AMPH: variants seen among roughly 807,000 people sequenced by gnomAD.
The protein encoded by AMPH is amphiphysin (Stiff-Mann syndrome with breast cancer 128kD autoantigen).
AMPH carries 49 observed loss-of-function variants against 99.1 expected under a neutral mutation model. The observed-to-expected ratio is 0.49, with a 90% confidence interval of 0.39 to 0.63. The LOEUF (loss-of-function observed/expected upper bound fraction) is 0.63, where lower values mean the gene tolerates loss of function less well. AMPH is among the 20% of genes least tolerant of loss of function. The probability of loss-of-function intolerance (pLI) is 0.00; values close to 1 mark genes in which losing one functional copy is unlikely to be tolerated. For synonymous variants in AMPH, 314 were observed against 317.3 expected (o/e 0.99, Z 0.11); for missense variants, 759 against 863.4 (o/e 0.88, Z 1.52).
At chr7:38,494,090 G>A (rs746743026) in intron 4 of AMPH, among the ~76,000 whole-genome samples, 2 of 152,144 alleles carry the variant, frequency 1.3e-5, no homozygotes, top group African/African-American at 4.8e-5. Flanking sequence ...CTGAGTAGCT[G>A]AGATTACAGG....
chr7:38,505,728 G>C lies in AMPH; in HGVS notation c.151-2024C>G, dbSNP rs1247751002. 2.0e-5 allele frequency among the ~76,000 whole-genome samples: 3 copies of C among 152,044 alleles called. No individual in the cohort carries two copies. The East Asian group carries it at 5.8e-4, about 29-fold the overall frequency. Reference sequence around the variant, plus strand: ...CTTGAGTAAAAGCAGTCGATGAAGAGGACCCAGAGAAGTCAGGATGAAGTT... The same window carrying C: ...CTTGAGTAAAAGCAGTCGATGAAGACGACCCAGAGAAGTCAGGATGAAGTT... On this transcript the variant is annotated intron_variant, in intron 2 of 20. Coordinates refer to ENST00000356264, the MANE Select transcript of AMPH (RefSeq NM_001635.4).
chr7:38,487,381 C>A (rs896664362), intron 5 of AMPH, among the ~76,000 whole-genome samples: 2 of 152,062 alleles, frequency 1.3e-5, no homozygotes, highest in Non-Finnish European at 2.9e-5. Context: ...CATCTACAAC[C>A]ATCTGATCTT....
At chr7:38,598,340 G>A (rs1183571057) in intron 1 of AMPH, among the ~76,000 whole-genome samples, 1 of 152,062 alleles carries the variant, frequency 6.6e-6, no homozygotes, top group Non-Finnish European at 1.5e-5. Context: ...CTGGAGTGCA[G>A]TGGCATGATC....
chr7:38,559,678 A>G (rs1015654137), intron 1 of AMPH, among the ~76,000 whole-genome samples: 1 of 152,224 alleles, frequency 6.6e-6, no homozygotes, highest in Non-Finnish European at 1.5e-5. Flanking sequence ...ATATAGGTAC[A>G]TTACTAGTCC....
At chr7:38,616,081 G>A (rs1325463487) in intron 1 of AMPH, among the ~76,000 whole-genome samples, 2 of 152,110 alleles carry the variant, frequency 1.3e-5, no homozygotes, top group East Asian at 3.9e-4. Flanking sequence ...CTGACACCAC[G>A]AGATTAGCTG....
chr7:38,477,718 A>C (rs1042518807), intron 5 of AMPH, among the ~76,000 whole-genome samples: 3 of 152,126 alleles, frequency 2.0e-5, no homozygotes, highest in Non-Finnish European at 4.4e-5. Flanking sequence ...AACCACAAAA[A>C]CAAAAAGCTT....
intron 2 of AMPH, among the ~76,000 whole-genome samples, chr7:38,515,582 T>G (rs975492792): frequency 6.6e-6 from 1 of 152,190 alleles, no homozygotes; most frequent in African/African-American, 2.4e-5. Context: ...CAGTTTCAGG[T>G]AGTTCTTCAT....
intron 17 of AMPH, among the ~76,000 whole-genome samples, chr7:38,408,158 A>C (rs1453536154): frequency 6.6e-6 from 1 of 152,180 alleles, no homozygotes; most frequent in Non-Finnish European, 1.5e-5. Context: ...CCATCCCATA[A>C]CCAAGAAGAC....
intron 1 of AMPH, among the ~76,000 whole-genome samples, chr7:38,597,366 A>AG (rs1793096579): frequency 6.6e-6 from 1 of 152,120 alleles, no homozygotes; most frequent in Admixed American, 6.6e-5. Flanking sequence ...GAACAGGAAA[A>AG]GGGTTATAAT....
chr7:38,429,295 GC>G lies in AMPH; in HGVS notation c.1182+546del, dbSNP rs1309084017. The G allele has an allele frequency of 4.7e-6, 6 of 1,286,770 alleles. No homozygotes were observed. In the Admixed American group the frequency reaches 1.2e-4, roughly 25 times the overall value. The allele number at this position is 1,286,770 out of a possible 1,614,324, so 79.7% of individuals were successfully genotyped here. A position where few individuals can be genotyped will look rare whatever the true frequency, so the allele number is the denominator to read the frequency against. On this transcript the variant is annotated intron_variant, in intron 14 of 20. Coordinates refer to ENST00000356264, the MANE Select transcript of AMPH (RefSeq NM_001635.4). ...TGTTCATTTCCACCTGGAAAGGCTG[GC>G]CCCGGGGCATGCTCACTCTCTTCAG...
chr7:38,484,238 G>T (rs559986509), intron 5 of AMPH, among the ~76,000 whole-genome samples: 14 of 152,126 alleles, frequency 9.2e-5, no homozygotes, highest in South Asian at 4.1e-4. Flanking sequence ...AACTGGGAAA[G>T]AAAATGTTCA....
chr7:38,568,352 C>A lies in AMPH; in HGVS notation c.70-33341G>T, dbSNP rs377193336. Among the ~76,000 whole-genome samples, 11 of 152,250 alleles carry A rather than the reference C, an allele frequency of 7.2e-5. 1 individual carries two copies. In the South Asian group the frequency reaches 1.7e-3, roughly 23 times the overall value. ...TGGTGGTGGGTGCCTGTAGTCCCAG[C>A]TACTCAGGAGGCTGACGCAGGAGGA... On this transcript the variant is annotated intron_variant, in intron 1 of 20. Transcript: ENST00000356264.
intron 2 of AMPH, among the ~76,000 whole-genome samples, chr7:38,522,574 T>G (rs1268714316): frequency 1.3e-5 from 2 of 151,918 alleles, no homozygotes; most frequent in Admixed American, 1.3e-4. Flanking sequence ...CGGGCAGAGA[T>G]TCTTGGTCAG....
intron 1 of AMPH, among the ~76,000 whole-genome samples, chr7:38,584,114 T>C (rs571180547): frequency 2.6e-5 from 4 of 152,238 alleles, no homozygotes; most frequent in African/African-American, 9.6e-5. Flanking sequence ...TTTGTTTTTA[T>C]ATATTTGACT....
intron 20 of AMPH, 109 bp downstream of exon 20, chr7:38,389,695 G>A: frequency 1.2e-6 from 1 of 869,016 alleles, no homozygotes; most frequent in South Asian, 1.5e-5. Context: ...TTTTCAGATG[G>A]CTTGTAGCAT....
intron 11 of AMPH, among the ~76,000 whole-genome samples, chr7:38,457,648 G>C (rs1188875396): frequency 6.6e-6 from 1 of 152,172 alleles, no homozygotes; most frequent in African/African-American, 2.4e-5. Flanking sequence ...GAAGTATTAG[G>C]TTGAAAACAT....
intron 1 of AMPH, among the ~76,000 whole-genome samples, chr7:38,535,885 C>T (rs139716862): frequency 5.3e-4 from 81 of 152,234 alleles, no homozygotes; most frequent in African/African-American, 1.9e-3. Context: ...GGTTCCTCAC[C>T]GGCCACAAAC....
At chr7:38,595,723 C>A (rs1340164763) in intron 1 of AMPH, among the ~76,000 whole-genome samples, 1 of 152,156 alleles carries the variant, frequency 6.6e-6, no homozygotes, top group Non-Finnish European at 1.5e-5. Flanking sequence ...AGCTCCTACC[C>A]CCACCTCTAG....
intron 2 of AMPH, among the ~76,000 whole-genome samples, chr7:38,503,994 T>C (rs1387490864): frequency 6.6e-6 from 1 of 152,222 alleles, no homozygotes; most frequent in African/African-American, 2.4e-5. Flanking sequence ...TTTTGACACA[T>C]GGGTTATAAT....
Sources: allele counts gnomAD v4.1 joint callset (sites outside exome capture counted in the v4.1 genomes callset), GRCh38; gene constraint gnomAD v4.1.1; transcripts MANE v1.5; gene names NCBI Gene and HGNC (gene_info 2026-07-23, HGNC 2026-07-21).